The following MGAT4C variants were observed in gnomAD, a reference collection of about 807,000 sequenced individuals.
MGAT4C encodes the protein alpha-1,3-mannosyl-glycoprotein 4-beta-N-acetylglucosaminyltransferase C.
Under a neutral mutation model 40.1 loss-of-function variants are expected in MGAT4C, and 19 were observed. The ratio of observed to expected loss-of-function variants is 0.47; its 90% CI spans 0.33 to 0.70. The LOEUF (loss-of-function observed/expected upper bound fraction) is 0.70. Ranked by LOEUF, MGAT4C falls within the 30% of genes least tolerant of loss-of-function variation. MGAT4C has a pLI of 0.02. For synonymous variants in MGAT4C, 181 were observed against 187.1 expected (o/e 0.97, Z 0.27); for missense variants, 491 against 563.2 (o/e 0.87, Z 1.30).
intron 2 of MGAT4C, among the ~76,000 whole-genome samples, chr12:86,653,522 T>G (rs953952140): frequency 1.3e-5 from 2 of 151,946 alleles, no homozygotes; most frequent in African/African-American, 4.8e-5. Context: ...ATAAGGAGTT[T>G]TTTTAGCTTT....
At chr12:86,395,093 G>A (rs1328653493) in intron 3 of MGAT4C, among the ~76,000 whole-genome samples, 1 of 151,972 alleles carries the variant, frequency 6.6e-6, no homozygotes, top group Non-Finnish European at 1.5e-5. Flanking sequence ...ATGATAAGTA[G>A]GGACATTACA....
At chr12:86,659,034 T>C (rs184547955) in intron 2 of MGAT4C, among the ~76,000 whole-genome samples, 3 of 152,252 alleles carry the variant, frequency 2.0e-5, no homozygotes, top group Non-Finnish European at 4.4e-5. Flanking sequence ...TTAGCAATAA[T>C]TAAATGTTTA....
intron 1 of MGAT4C, among the ~76,000 whole-genome samples, chr12:86,130,961 T>C (rs909447455): frequency 1.3e-5 from 2 of 152,152 alleles, no homozygotes; most frequent in South Asian, 4.1e-4. Context: ...TACTATAATG[T>C]TGACTACCTT....
intron 1 of MGAT4C, among the ~76,000 whole-genome samples, chr12:86,152,450 A>T (rs1238573238): frequency 1.3e-5 from 2 of 152,198 alleles, no homozygotes; most frequent in Non-Finnish European, 2.9e-5. Flanking sequence ...AAGGGCCATA[A>T]TTCCATCCCT....
At chr12:86,055,330 G>A (rs1285853762) in intron 1 of MGAT4C, among the ~76,000 whole-genome samples, 1 of 151,936 alleles carries the variant, frequency 6.6e-6, no homozygotes, top group East Asian at 1.9e-4. Flanking sequence ...CTAGTTGAGG[G>A]AATAAGATAT....
chr12:86,416,972 C>T (rs1337450276), intron 3 of MGAT4C, among the ~76,000 whole-genome samples: 1 of 152,072 alleles, frequency 6.6e-6, no homozygotes, highest in East Asian at 1.9e-4. Context: ...GGCCCGCCAC[C>T]ACTTTGATTT....
chr12:86,014,902 C>T (rs893481823), intron 2 of MGAT4C, among the ~76,000 whole-genome samples: 5 of 151,558 alleles, frequency 3.3e-5, no homozygotes, highest in Admixed American at 1.3e-4. Context: ...CCACTTCAGC[C>T]TCCTGAGTAG....
At chr12:86,150,458 A>T (rs558816051) in intron 1 of MGAT4C, among the ~76,000 whole-genome samples, 1 of 152,338 alleles carries the variant, frequency 6.6e-6, no homozygotes, top group Non-Finnish European at 1.5e-5. Context: ...TAGTACTCTT[A>T]TGCCCACCAA....
intron 1 of MGAT4C, among the ~76,000 whole-genome samples, chr12:86,100,880 A>G (rs1874884369): frequency 6.6e-6 from 1 of 151,656 alleles, no homozygotes; most frequent in Admixed American, 6.6e-5. Context: ...AAAAAGATAG[A>G]CTATATACTT....
At chr12:86,811,411 C>T (rs1445222070) in intron 1 of MGAT4C, among the ~76,000 whole-genome samples, 3 of 144,572 alleles carry the variant, frequency 2.1e-5, no homozygotes, top group East Asian at 2.1e-4. Context: ...GGCACGATCT[C>T]GGCTCACTTC....
Position 85,957,793 on chromosome 12 carries a change from G to A in MGAT4C, c.*21496C>T, listed in dbSNP as rs376672491. The A allele has an allele frequency of 8.0e-4, 121 of 151,816 alleles. No homozygotes were observed. The highest frequency in any genetic ancestry group is 2.6e-3 in the African/African-American group (108 of 41,472). 9.4% of individuals were successfully genotyped at this position (151,816 alleles called of 1,614,324 possible). On this transcript the variant is annotated 3_prime_UTR_variant, in exon 5 of 5. Coordinates refer to ENST00000611864, the MANE Select transcript of MGAT4C (RefSeq NM_001351288.2). ...TTAATCGGTCAGGGTAGTGCAGGTGGTGCATGCATTTAATAATAGTTTAAG... is the reference window on the plus strand; with the variant it reads ...TTAATCGGTCAGGGTAGTGCAGGTGATGCATGCATTTAATAATAGTTTAAG...
chr12:86,651,301 A>G (rs1466431207), intron 2 of MGAT4C, among the ~76,000 whole-genome samples: 7 of 151,918 alleles, frequency 4.6e-5, no homozygotes, highest in African/African-American at 1.7e-4. Flanking sequence ...AAATCTATTT[A>G]TTGAAAAAAA....
chr12:86,579,433 A>G lies in MGAT4C; in HGVS notation c.-228-144168T>C, dbSNP rs188492485. Among the ~76,000 whole-genome samples, 1,058 of 151,726 alleles carry G rather than the reference A, an allele frequency of 7.0e-3. 4 individuals are homozygous for G. Among genetic ancestry groups the G allele is most frequent in the Middle Eastern group, 0.027 (8 of 294 alleles). On this transcript the variant is annotated intron_variant, in intron 2 of 7. Coordinates refer to the MGAT4C transcript ENST00000548651. ...AAACAAGCAAAAACAAAACTAATAAAAACTCTACACCTAAATTTTAAGAAG... is the reference window on the plus strand; with the variant it reads ...AAACAAGCAAAAACAAAACTAATAAGAACTCTACACCTAAATTTTAAGAAG...
chr12:86,106,966 C>T (rs1337082072), intron 1 of MGAT4C, among the ~76,000 whole-genome samples: 1 of 152,064 alleles, frequency 6.6e-6, no homozygotes, highest in African/African-American at 2.4e-5. Context: ...TTGGCTTCTC[C>T]AGACAGTGGC....
intron 2 of MGAT4C, among the ~76,000 whole-genome samples, chr12:86,655,288 G>A (rs770150840): frequency 2.0e-5 from 3 of 151,972 alleles, no homozygotes; most frequent in Non-Finnish European, 4.4e-5. Context: ...ATACTATGCG[G>A]TTCTTAATTG....
chr12:86,630,697 C>G (rs185390586), intron 2 of MGAT4C, among the ~76,000 whole-genome samples: 1 of 152,260 alleles, frequency 6.6e-6, no homozygotes, highest in East Asian at 1.9e-4. Context: ...TGACAAAATT[C>G]AACAACACTT....
chr12:86,356,830 G>A (rs965913666), intron 3 of MGAT4C, among the ~76,000 whole-genome samples: 3 of 152,100 alleles, frequency 2.0e-5, no homozygotes, highest in Non-Finnish European at 4.4e-5. Context: ...CAGGAAGCTC[G>A]AACTGGGTGG....
At chr12:86,767,299 C>T (rs1351452235) in intron 1 of MGAT4C, among the ~76,000 whole-genome samples, 2 of 152,114 alleles carry the variant, frequency 1.3e-5, no homozygotes, top group Non-Finnish European at 2.9e-5. Flanking sequence ...CATAAACCCT[C>T]CCAAGACTAA....
At chr12:86,500,194 CAT>C (rs1958314619) in intron 2 of MGAT4C, among the ~76,000 whole-genome samples, 3 of 151,652 alleles carry the variant, frequency 2.0e-5, no homozygotes, top group African/African-American at 7.3e-5. Context: ...TATATGTATA[CAT>C]ATATGTGTAT....
Sources: allele counts gnomAD v4.1 joint callset (sites outside exome capture counted in the v4.1 genomes callset), GRCh38; gene constraint gnomAD v4.1.1; transcripts MANE v1.5; gene names NCBI Gene and HGNC (gene_info 2026-07-23, HGNC 2026-07-21).